Variants in CPNE5 observed in about 807,000 individuals in gnomAD.
CPNE5 encodes copine-5.
CPNE5 carries 42 observed loss-of-function variants against 81.1 expected under a neutral mutation model. The ratio of observed to expected loss-of-function variants is 0.52; its 90% CI spans 0.40 to 0.67. CPNE5 has a LOEUF of 0.67. Ranked by LOEUF, CPNE5 falls within the 30% of genes least tolerant of loss-of-function variation. The pLI, the probability that CPNE5 is intolerant of heterozygous loss-of-function variation, is 0.00. For missense variants in CPNE5, 612 were observed against 815.5 expected, an observed-to-expected ratio of 0.75 and a Z score of 3.04; for synonymous variants, 313 against 321.5, an observed-to-expected ratio of 0.97 and a Z score of 0.28.
At chr6:36,800,250 C>T (rs777254930) in intron 3 of CPNE5, among the ~76,000 whole-genome samples, 180 bp from the exon 4 acceptor site, 2 of 152,194 alleles carry the variant, frequency 1.3e-5, no homozygotes, top group Non-Finnish European at 2.9e-5. Context: ...TTCCATCTGA[C>T]AGTGGAAGCC....
chr6:36,783,291 G>A (rs184200007), intron 8 of CPNE5, among the ~76,000 whole-genome samples: 11 of 150,754 alleles, frequency 7.3e-5, no homozygotes, highest in Admixed American at 6.6e-4. Flanking sequence ...ATACCTGGGG[G>A]TGAAATAATC....
rs559428271 is a variant in CPNE5 at position 36,798,856 on chromosome 6, A to G, written c.288-362T>C. ...ATCTTACCTTTCACTCCCTTCACTT[A>G]CAGAGTTCTCCATCTTTGCTCTTTG... is the stretch of plus-strand genomic sequence containing the variant. On this transcript the variant is annotated intron_variant, in intron 4 of 20. Transcript: ENST00000244751. Among the ~76,000 whole-genome samples the G allele has an allele frequency of 2.0e-5, 3 of 152,268 alleles. No homozygotes were observed. In the East Asian group the frequency reaches 5.8e-4, roughly 29 times the overall value.
intron 3 of CPNE5, among the ~76,000 whole-genome samples, chr6:36,808,747 G>A (rs73730198): frequency 1.5e-3 from 232 of 152,320 alleles, no homozygotes; most frequent in African/African-American, 5.0e-3. Flanking sequence ...GCCCTACTGC[G>A]TGCCACGCAC....
intron 8 of CPNE5, among the ~76,000 whole-genome samples, chr6:36,790,786 G>T (rs1175370487): frequency 6.6e-6 from 1 of 151,892 alleles, no homozygotes; most frequent in Non-Finnish European, 1.5e-5. Context: ...CTCGTGATCC[G>T]CCCGCCTCGG....
Position 36,748,625 on chromosome 6 carries a change from G to T in CPNE5, c.972-358C>A, listed in dbSNP as rs78948703. ...TCATTGGATTGCTGACTCAAATTTG[G>T]AGTGAGATTCAGGACGAAAACTCAT... is the stretch of plus-strand genomic sequence containing the variant. On this transcript the variant is annotated intron_variant, in intron 14 of 20. Coordinates refer to ENST00000244751, the MANE Select transcript of CPNE5 (RefSeq NM_020939.2). Among the ~76,000 whole-genome samples the T allele has an allele frequency of 6.0e-3, 915 of 152,176 alleles. 5 individuals are homozygous for T. Among genetic ancestry groups the T allele is most frequent in the African/African-American group, 0.019 (785 of 41,500 alleles).
chr6:36,782,813 CAA>C lies in CPNE5; in HGVS notation c.529-3858_529-3857del, dbSNP rs1768147670. 3.8e-5 allele frequency among the ~76,000 whole-genome samples: 4 copies of C among 105,766 alleles called. No individual in the cohort carries two copies. In the Admixed American group the frequency reaches 4.3e-4, roughly 11 times the overall value. 69.4% of individuals were successfully genotyped at this position (105,766 alleles called of 152,430 possible). A position where few individuals can be genotyped will look rare whatever the true frequency, so the allele number is the denominator to read the frequency against. On this transcript the variant is annotated intron_variant, in intron 8 of 20. Coordinates refer to ENST00000244751, the MANE Select transcript of CPNE5 (RefSeq NM_020939.2). ...CTGTCTCAAATAATAAAACAAAAACCAAAACACACACACACACACACACACAC... is the reference window on the plus strand; with the variant it reads ...CTGTCTCAAATAATAAAACAAAAACCAACACACACACACACACACACACAC...
At chr6:36,744,525 G>A (rs892890409) in intron 18 of CPNE5, 200 bp from the exon 19 acceptor site, 8 of 599,774 alleles carry the variant, frequency 1.3e-5, no homozygotes, top group South Asian at 6.0e-5. Context: ...ACCAGGCTGC[G>A]CCTGGAGGAG....
chr6:36,776,378 C>G (rs181542111), intron 9 of CPNE5, among the ~76,000 whole-genome samples: 30 of 152,344 alleles, frequency 2.0e-4, no homozygotes, highest in African/African-American at 6.0e-4. Context: ...TCTCGCCCAC[C>G]CACTGGAGTG....
At chr6:36,809,346 C>T (rs1222656100) in intron 3 of CPNE5, among the ~76,000 whole-genome samples, 4 of 152,048 alleles carry the variant, frequency 2.6e-5, no homozygotes, top group African/African-American at 9.7e-5. Flanking sequence ...CTTTGGGAGG[C>T]AGGAGGATCG....
intron 8 of CPNE5, 127 bp from the exon 9 acceptor site, chr6:36,779,084 C>T (rs1045188877): frequency 1.6e-6 from 1 of 636,816 alleles, no homozygotes; most frequent in Non-Finnish European, 2.8e-6. Flanking sequence ...GTGCCAGGCC[C>T]TTATTCCATC....
At chr6:36,787,604 G>A (rs916931216) in intron 8 of CPNE5, among the ~76,000 whole-genome samples, 1 of 152,128 alleles carries the variant, frequency 6.6e-6, no homozygotes, top group Non-Finnish European at 1.5e-5. Flanking sequence ...TGTGATTGCC[G>A]GTTGGCATTT....
intron 8 of CPNE5, among the ~76,000 whole-genome samples, chr6:36,783,544 C>A (rs1171102637): frequency 6.6e-6 from 1 of 152,122 alleles, no homozygotes; most frequent in Non-Finnish European, 1.5e-5. Context: ...CTCTCTGTCA[C>A]CCACGCTGGA....
intron 1 of CPNE5, among the ~76,000 whole-genome samples, chr6:36,823,622 C>T (rs1772251063): frequency 6.6e-6 from 1 of 152,192 alleles, no homozygotes; most frequent in Admixed American, 6.5e-5. Context: ...CAAGGTCCTT[C>T]TGTGGTCAAG....
intron 1 of CPNE5, chr6:36,827,609 G>A (rs1397597366): frequency 3.0e-6 from 3 of 985,196 alleles, no homozygotes; most frequent in South Asian, 4.7e-5. Flanking sequence ...ACACACACAC[G>A]TGTAGCACCA....
chr6:36,838,421 C>A (rs1773722480), intron 1 of CPNE5, among the ~76,000 whole-genome samples: 1 of 152,320 alleles, frequency 6.6e-6, no homozygotes, highest in South Asian at 2.1e-4. Context: ...AGGGAAAAAT[C>A]CCCCTTTGCC....
chr6:36,796,285 C>T (rs1199478660), intron 6 of CPNE5, among the ~76,000 whole-genome samples: 2 of 152,230 alleles, frequency 1.3e-5, no homozygotes, highest in Non-Finnish European at 2.9e-5. Flanking sequence ...TCCTTTAAGG[C>T]TCAGTTTCAA....
chr6:36,765,728 G>A (rs1279516429), intron 10 of CPNE5, among the ~76,000 whole-genome samples: 2 of 152,182 alleles, frequency 1.3e-5, no homozygotes, highest in Non-Finnish European at 1.5e-5. Flanking sequence ...GTGGAGGAGC[G>A]GGGAGGTGGG....
chr6:36,785,967 C>T (rs142152292), intron 8 of CPNE5, among the ~76,000 whole-genome samples: 1,779 of 140,010 alleles, frequency 0.013, 39 homozygotes, highest in African/African-American at 0.041. Flanking sequence ...CAGCCGAGAC[C>T]GTGGCACTGC....
chr6:36,778,791 G>T, intron 9 of CPNE5, 63 bp downstream of exon 9: 4 of 1,133,496 alleles, frequency 3.5e-6, no homozygotes, highest in Non-Finnish European at 5.3e-6. Context: ...ACCACCACCC[G>T]TCCGTCCTTG....
Sources: allele counts gnomAD v4.1 joint callset (sites outside exome capture counted in the v4.1 genomes callset), GRCh38; gene constraint gnomAD v4.1.1; transcripts MANE v1.5; gene names NCBI Gene and HGNC (gene_info 2026-07-23, HGNC 2026-07-21).